Variants in SCUBE1 observed in about 807,000 individuals in gnomAD.
The protein encoded by SCUBE1 is signal peptide, CUB and EGF-like domain-containing protein 1.
A neutral mutation model predicts 124.4 loss-of-function variants in SCUBE1; 59 were observed. The observed-to-expected ratio is 0.47, with a 90% CI of 0.38 to 0.59. The LOEUF is 0.59. SCUBE1 is among the 20% of genes least tolerant of loss of function. SCUBE1 has a pLI of 0.00. For synonymous variants in SCUBE1, 545 were observed against 550.9 expected, an observed-to-expected ratio of 0.99 and a Z score of 0.15; for missense variants, 1,150 against 1,371.2, an observed-to-expected ratio of 0.84 and a Z score of 2.55.
Position 43,235,057 on chromosome 22 carries a change from G to C in SCUBE1, c.845-3182C>G, listed in dbSNP as rs191919297. Among the ~76,000 whole-genome samples, 15 of 152,354 alleles carry C rather than the reference G, an allele frequency of 9.8e-5. No individual in the cohort carries two copies. In the South Asian group the frequency reaches 1.4e-3, roughly 15 times the overall value. The stretch of plus-strand genomic sequence containing the variant: ...GGAGCTAATGCCTTTGGGGGCATGA[G>C]AGGGCCTTGGGACACAGACTTGGGG... On this transcript the variant is annotated intron_variant, in intron 7 of 21. Coordinates refer to ENST00000360835, the MANE Select transcript of SCUBE1 (RefSeq NM_173050.5).
chr22:43,337,013 T>G (rs1449108489), intron 2 of SCUBE1, among the ~76,000 whole-genome samples: 2 of 152,060 alleles, frequency 1.3e-5, no homozygotes, highest in Non-Finnish European at 2.9e-5. Flanking sequence ...AGAGGTGTTG[T>G]TCAGTGTTTC....
intron 6 of SCUBE1, among the ~76,000 whole-genome samples, chr22:43,250,742 C>A (rs1923411008): frequency 6.6e-6 from 1 of 152,204 alleles, no homozygotes; most frequent in African/African-American, 2.4e-5. Flanking sequence ...TGAGGGCCGA[C>A]TCAGATTGGG....
chr22:43,282,392 G>C (rs553302683), intron 4 of SCUBE1: 1 of 152,462 alleles, frequency 6.6e-6, no homozygotes, highest in East Asian at 1.9e-4. Flanking sequence ...AAAGTGACGG[G>C]ACTGGCCTGT....
chr22:43,243,662 G>A (rs986020897), intron 6 of SCUBE1, among the ~76,000 whole-genome samples: 2 of 152,232 alleles, frequency 1.3e-5, no homozygotes, highest in Non-Finnish European at 2.9e-5. Flanking sequence ...TAAGGGACAG[G>A]CGCTATGGAG....
chr22:43,226,257 A>C (rs539095227), intron 10 of SCUBE1, among the ~76,000 whole-genome samples: 1 of 152,204 alleles, frequency 6.6e-6, no homozygotes, highest in Non-Finnish European at 1.5e-5. Flanking sequence ...GAACCTGTAA[A>C]GTGCACATTA....
At chr22:43,271,015 G>T (rs1201196161) in intron 4 of SCUBE1, among the ~76,000 whole-genome samples, 1 of 152,132 alleles carries the variant, frequency 6.6e-6, no homozygotes, top group Non-Finnish European at 1.5e-5. Context: ...CACAACCCCC[G>T]CTCCCTTCCC....
intron 1 of SCUBE1, among the ~76,000 whole-genome samples, chr22:43,342,190 G>T (rs931203674): frequency 6.7e-6 from 1 of 149,776 alleles, no homozygotes; most frequent in Admixed American, 6.6e-5. Context: ...CTGATGACGA[G>T]GAGGGGAGAA....
intron 10 of SCUBE1, among the ~76,000 whole-genome samples, chr22:43,225,486 A>G (rs904972583): frequency 6.6e-6 from 1 of 151,572 alleles, no homozygotes; most frequent in Non-Finnish European, 1.5e-5. Context: ...GGTAAAGAGC[A>G]GTAGAAGCGG....
chr22:43,229,459 A>G (rs1242602379), intron 8 of SCUBE1, among the ~76,000 whole-genome samples: 2 of 152,184 alleles, frequency 1.3e-5, no homozygotes, highest in African/African-American at 4.8e-5. Flanking sequence ...GGAAGGGATT[A>G]TTATGAATCT....
chr22:43,319,294 A>G (rs1926458019), intron 3 of SCUBE1, among the ~76,000 whole-genome samples: 1 of 152,118 alleles, frequency 6.6e-6, no homozygotes, highest in Non-Finnish European at 1.5e-5. Context: ...TGGCCGGGCA[A>G]GGTGGCTCAC....
chr22:43,297,201 G>A (rs900979974), intron 3 of SCUBE1, among the ~76,000 whole-genome samples: 1 of 152,214 alleles, frequency 6.6e-6, no homozygotes, highest in Non-Finnish European at 1.5e-5. Flanking sequence ...CCATCTCCCT[G>A]GCTCCCATGA....
intron 20 of SCUBE1, 67 bp downstream of exon 20, chr22:43,208,005 T>C (rs748181765): frequency 7.7e-6 from 12 of 1,567,984 alleles, no homozygotes; most frequent in Non-Finnish European, 1.1e-5. Context: ...GACGTGCGAC[T>C]CATCTCTGTG....
At chr22:43,268,850 G>A (rs9623799) in intron 4 of SCUBE1, among the ~76,000 whole-genome samples, 1,962 of 152,328 alleles carry the variant, frequency 0.013, 48 homozygotes, top group African/African-American at 0.045. Context: ...ATCTCTGGAG[G>A]CTGTGTGGAA....
chr22:43,302,932 T>C (rs1045040176), intron 3 of SCUBE1, among the ~76,000 whole-genome samples: 1 of 151,984 alleles, frequency 6.6e-6, no homozygotes, highest in South Asian at 2.1e-4. Context: ...GGCCGGTGGA[T>C]GGGGCGGCAG....
chr22:43,210,352 T>C lies in SCUBE1; in HGVS notation c.2384-112A>G, dbSNP rs1569495496. The C allele has an allele frequency of 3.4e-6, 3 of 871,420 alleles. No individual in the cohort carries two copies. The highest frequency in any genetic ancestry group is 6.9e-5 in the Admixed American group (2 of 29,084). 54.0% of individuals were successfully genotyped at this position (871,420 alleles called of 1,614,324 possible). A position where few individuals can be genotyped will look rare whatever the true frequency, so the allele number is the denominator to read the frequency against. ...AGGGCAGGGCTGGAAGGTGCTCTTG[T>C]CCCCCCCCACACTAGCCCTCGGACC... On this transcript the variant is annotated intron_variant, in intron 18 of 21. Coordinates refer to ENST00000360835, the MANE Select transcript of SCUBE1 (RefSeq NM_173050.5). The surrounding 1 kb of genome is among the most constrained non-coding windows in gnomAD (Gnocchi z 4.5).
rs1181660199 is a variant in SCUBE1, at chr22:43,201,826, G to A, written c.*2171C>T. The A allele has an allele frequency of 1.3e-5, 2 of 152,244 alleles. No individual in the cohort carries two copies. Among genetic ancestry groups the A allele is most frequent in the African/African-American group, 2.4e-5 (1 of 41,450 alleles). The allele number at this position is 152,244 out of a possible 1,614,324, so 9.4% of individuals were successfully genotyped here. On this transcript the variant is annotated 3_prime_UTR_variant, in exon 22 of 22. Transcript: ENST00000360835. ...ATTCTCTGGAGAACACTCGTGAAGA[G>A]GCGACACCCCTCCCGGCACCTTCCT...
chr22:43,337,268 G>A (rs557504129), intron 2 of SCUBE1, among the ~76,000 whole-genome samples: 13 of 152,224 alleles, frequency 8.5e-5, no homozygotes, highest in African/African-American at 3.1e-4. Context: ...GCTGAACTCC[G>A]AAAAATTTTA....
chr22:43,336,568 T>C (rs940126530), intron 2 of SCUBE1, among the ~76,000 whole-genome samples: 7 of 152,184 alleles, frequency 4.6e-5, no homozygotes, highest in Non-Finnish European at 8.8e-5. Flanking sequence ...TGGCCTGAGT[T>C]TGACAGCTTC....
intron 4 of SCUBE1, among the ~76,000 whole-genome samples, chr22:43,265,641 G>C (rs1924033171): frequency 6.6e-6 from 1 of 152,244 alleles, no homozygotes; most frequent in Non-Finnish European, 1.5e-5. Context: ...GCCAGTGATT[G>C]TTAGTGGGAC....
Sources: gnomAD v4.1 joint callset for allele counts (sites outside exome capture counted in the v4.1 genomes callset) on GRCh38, gnomAD v4.1.1 for gene constraint, Gnocchi (gnomAD v3.1) non-coding constraint, MANE v1.5 for transcripts, NCBI Gene and HGNC (gene_info 2026-07-23, HGNC 2026-07-21) for gene names.